Variants in KIRREL3 observed in about 807,000 individuals in gnomAD.
KIRREL3 encodes the protein kin of IRRE-like protein 3.
KIRREL3 carries 36 observed loss-of-function variants against 89.7 expected under a neutral mutation model. That is an observed-to-expected ratio of 0.40 (90% CI 0.31 to 0.53). KIRREL3 has a LOEUF of 0.53. KIRREL3 is among the 20% of genes least tolerant of loss of function. KIRREL3 has a pLI of 0.49. For synonymous variants in KIRREL3, 445 were observed against 441.4 expected, an observed-to-expected ratio of 1.01 and a Z score of -0.10; for missense variants, 864 against 1,056.6, an observed-to-expected ratio of 0.82 and a Z score of 2.53.
chr11:126,633,418 G>T (rs1475814583), intron 1 of KIRREL3, among the ~76,000 whole-genome samples: 4 of 152,170 alleles, frequency 2.6e-5, no homozygotes, highest in Non-Finnish European at 5.9e-5. Context: ...GGAGGTGTTT[G>T]GGTTGTGGGG....
At chr11:126,675,345 AT>A (rs1198109919) in intron 1 of KIRREL3, among the ~76,000 whole-genome samples, 1 of 152,224 alleles carries the variant, frequency 6.6e-6, no homozygotes, top group Non-Finnish European at 1.5e-5. Flanking sequence ...CTCTGTGATT[AT>A]GCACCAGGCA....
chr11:126,483,016 A>C (rs1209510464), intron 4 of KIRREL3, among the ~76,000 whole-genome samples: 1 of 152,078 alleles, frequency 6.6e-6, no homozygotes, highest in Non-Finnish European at 1.5e-5. Flanking sequence ...CAAAAAGTTT[A>C]CTCTCCAATC....
rs1431080995 is a variant in KIRREL3 at position 126,601,223 on chromosome 11, T to C, written c.56-38311A>G. On this transcript the variant is annotated intron_variant, in intron 1 of 16. Transcript: ENST00000525144. The surrounding 1 kb of genome is among the most constrained non-coding windows in gnomAD (Gnocchi z 5.8). ...TCATGCTCTTGTTGACAATAATAAC[T>C]GATTGCTGCATCAATGTGATGCAAT... Among the ~76,000 whole-genome samples the C allele has an allele frequency of 1.2e-4, 19 of 152,312 alleles. No individual in the cohort carries two copies. Among genetic ancestry groups the C allele is most frequent in the Admixed American group, 1.0e-3 (16 of 15,304 alleles).
chr11:126,500,951 G>T (rs781131721), intron 4 of KIRREL3, among the ~76,000 whole-genome samples: 1 of 152,122 alleles, frequency 6.6e-6, no homozygotes, highest in Non-Finnish European at 1.5e-5. Flanking sequence ...CTGGTCTGTT[G>T]CATTTGTCCA....
chr11:126,609,892 G>A lies in KIRREL3; in HGVS notation c.56-46980C>T, dbSNP rs569150727. ...TAACATTAATAGAACCTGATGATGC[G>A]ATAGGCACCGAGATAAGAATTTTAT... On this transcript the variant is annotated intron_variant, in intron 1 of 16. Coordinates refer to ENST00000525144, the MANE Select transcript of KIRREL3 (RefSeq NM_032531.4). This position sits in a 1 kb window ranked among gnomAD's most constrained non-coding sequence, Gnocchi z 5.0. Among the ~76,000 whole-genome samples, 5 of 152,154 alleles carry A rather than the reference G, an allele frequency of 3.3e-5. No homozygotes were observed. The highest frequency in any genetic ancestry group is 7.3e-5 in the Non-Finnish European group (5 of 68,040).
In KIRREL3 at chr11:126,999,349, T is replaced by C. The variant is rs1250696069; in HGVS notation, c.55+1106A>G. Among the ~76,000 whole-genome samples, 3 of 152,192 alleles carry C rather than the reference T, an allele frequency of 2.0e-5. No homozygotes were observed. The highest frequency in any genetic ancestry group is 4.4e-5 in the Non-Finnish European group (3 of 68,042). ...AAGAAGGAAGCCAGGTTTTTGCTTATATTTGGCTTCTCCCCGACAGGGGAG... is the reference window on the plus strand; with the variant it reads ...AAGAAGGAAGCCAGGTTTTTGCTTACATTTGGCTTCTCCCCGACAGGGGAG... On this transcript the variant is annotated intron_variant, in intron 1 of 16. Coordinates refer to ENST00000525144, the MANE Select transcript of KIRREL3 (RefSeq NM_032531.4). The surrounding 1 kb of genome is among the most constrained non-coding windows in gnomAD (Gnocchi z 5.7).
rs896641981 is a variant in KIRREL3, at chr11:126,766,425, C to T, written c.56-203513G>A. Among the ~76,000 whole-genome samples, 1 of 152,116 alleles carries T rather than the reference C, an allele frequency of 6.6e-6. No individual in the cohort carries two copies. The highest frequency in any genetic ancestry group is 1.5e-5 in the Non-Finnish European group (1 of 68,000). On this transcript the variant is annotated intron_variant, in intron 1 of 16. Coordinates refer to ENST00000525144, the MANE Select transcript of KIRREL3 (RefSeq NM_032531.4). This position sits in a 1 kb window ranked among gnomAD's most constrained non-coding sequence, Gnocchi z 4.2. ...AGAATCTTCTGCTATTTTGCTTTTT[C>T]TCTCTTTTCTCCTCCCTAGGTATGG... is the stretch of plus-strand genomic sequence containing the variant.
intron 1 of KIRREL3, among the ~76,000 whole-genome samples, chr11:126,957,667 G>T (rs369469121): frequency 1.3e-5 from 2 of 152,180 alleles, no homozygotes; most frequent in African/African-American, 4.8e-5. Context: ...AGGGTTGGAC[G>T]TGTTGTAGGG....
intron 13 of KIRREL3, among the ~76,000 whole-genome samples, chr11:126,435,056 G>C (rs1168996996): frequency 2.6e-5 from 4 of 152,130 alleles, no homozygotes; most frequent in African/African-American, 9.7e-5. Context: ...TCCGGCGGCA[G>C]GCAGGAGACA....
intron 1 of KIRREL3, among the ~76,000 whole-genome samples, chr11:126,820,717 C>T (rs1232520843): frequency 1.3e-5 from 2 of 152,016 alleles, no homozygotes; most frequent in South Asian, 4.2e-4. Flanking sequence ...TCAGCGGGCA[C>T]AGCAGCAGGC....
Position 126,844,812 on chromosome 11 carries a change from G to T in KIRREL3, c.55+155643C>A, listed in dbSNP as rs1439430829. Among the ~76,000 whole-genome samples, 1 of 152,068 alleles carries T rather than the reference G, an allele frequency of 6.6e-6. No individual in the cohort carries two copies. The highest frequency in any genetic ancestry group is 1.9e-4 in the East Asian group (1 of 5,186). The stretch of plus-strand genomic sequence containing the variant: ...CATGTATAGGATCTTGGGACATGGG[G>T]AGCTTTTTCCTCCCTAAAAAAGGGA... On this transcript the variant is annotated intron_variant, in intron 1 of 16. Transcript: ENST00000525144. This position sits in a 1 kb window ranked among gnomAD's most constrained non-coding sequence, Gnocchi z 4.8.
At chr11:126,942,600 A>G (rs1163140927) in intron 1 of KIRREL3, among the ~76,000 whole-genome samples, 1 of 152,196 alleles carries the variant, frequency 6.6e-6, no homozygotes, top group African/African-American at 2.4e-5. Flanking sequence ...GCCAGACAGG[A>G]AAGCAACTGC....
chr11:126,586,972 C>T (rs978562455), intron 1 of KIRREL3, among the ~76,000 whole-genome samples: 3 of 152,154 alleles, frequency 2.0e-5, no homozygotes, highest in East Asian at 1.9e-4. Flanking sequence ...AGCCAATAAA[C>T]GTCCTTTGAA....
At chr11:126,549,296 G>A (rs760515298) in intron 2 of KIRREL3, 7 of 152,118 alleles carry the variant, frequency 4.6e-5, no homozygotes, top group African/African-American at 7.2e-5. Context: ...CCATAGAAAC[G>A]AATACATTTC....
At position 126,872,836 on chromosome 11, in the gene KIRREL3, G is replaced by C. The variant is rs1945153050; in HGVS notation, c.55+127619C>G. Among the ~76,000 whole-genome samples the C allele has an allele frequency of 1.3e-5, 2 of 152,200 alleles. No homozygotes were observed. The highest frequency in any genetic ancestry group is 2.9e-5 in the Non-Finnish European group (2 of 68,042). Reference sequence around the variant, plus strand: ...TAATACCCCATGACAACTGGGGTTTGAAAGGTAGCCCAGCTCTGGGAGCAG... The same window carrying C: ...TAATACCCCATGACAACTGGGGTTTCAAAGGTAGCCCAGCTCTGGGAGCAG... On this transcript the variant is annotated intron_variant, in intron 1 of 16. Transcript: ENST00000525144. The surrounding 1 kb of genome is among the most constrained non-coding windows in gnomAD (Gnocchi z 4.2).
Position 126,740,061 on chromosome 11 carries a change from G to A in KIRREL3, c.56-177149C>T, listed in dbSNP as rs532502494. ...AAAGAAAGGAAGAAAGAAAGAAACA[G>A]CTGATTTAAAATGCAGTTTAACCTG... On this transcript the variant is annotated intron_variant, in intron 1 of 16. Coordinates refer to ENST00000525144, the MANE Select transcript of KIRREL3 (RefSeq NM_032531.4). This position sits in a 1 kb window ranked among gnomAD's most constrained non-coding sequence, Gnocchi z 6.0. 1.3e-5 allele frequency among the ~76,000 whole-genome samples: 2 copies of A among 152,288 alleles called. No homozygotes were observed. The highest frequency in any genetic ancestry group is 4.8e-5 in the African/African-American group (2 of 41,568).
At chr11:126,672,303 A>C (rs1222174517) in intron 1 of KIRREL3, among the ~76,000 whole-genome samples, 1 of 152,226 alleles carries the variant, frequency 6.6e-6, no homozygotes, top group Non-Finnish European at 1.5e-5. Flanking sequence ...GGTATGTTTA[A>C]GAGATACATG....
rs1414751254 is a variant in KIRREL3 at position 126,462,402 on chromosome 11, C to T, written c.742+755G>A. On this transcript the variant is annotated intron_variant, in intron 6 of 16. Transcript: ENST00000525144. This position sits in a 1 kb window ranked among gnomAD's most constrained non-coding sequence, Gnocchi z 4.8. Reference sequence around the variant, plus strand: ...AAATAAGGCCAGGCGAAGTGGCTCACATCTGTAATCCCAGCACTTTAGGAG... The same window carrying T: ...AAATAAGGCCAGGCGAAGTGGCTCATATCTGTAATCCCAGCACTTTAGGAG... 3.3e-5 allele frequency among the ~76,000 whole-genome samples: 5 copies of T among 152,194 alleles called. No homozygotes were observed. Among genetic ancestry groups the T allele is most frequent in the Non-Finnish European group, 7.3e-5 (5 of 68,028 alleles).
intron 1 of KIRREL3, among the ~76,000 whole-genome samples, chr11:126,858,049 G>A (rs888154002): frequency 3.3e-5 from 5 of 152,176 alleles, no homozygotes; most frequent in Admixed American, 6.5e-5. Flanking sequence ...CCCACTTACC[G>A]TGTGAACTGC....
Sources: gnomAD v4.1 joint callset for allele counts (sites outside exome capture counted in the v4.1 genomes callset) on GRCh38, gnomAD v4.1.1 for gene constraint, Gnocchi (gnomAD v3.1) non-coding constraint, MANE v1.5 for transcripts, NCBI Gene and HGNC (gene_info 2026-07-23, HGNC 2026-07-21) for gene names.